Variants in WRAP53 observed in about 807,000 individuals in gnomAD.
The protein encoded by WRAP53 is WD repeat containing antisense to TP53.
Under a neutral mutation model 56.6 loss-of-function variants are expected in WRAP53, and 28 were observed. The observed-to-expected ratio is 0.50, with a 90% CI of 0.37 to 0.68. The LOEUF is 0.68. Among genes scored for constraint, WRAP53 ranks in the 30% least tolerant of loss-of-function variants. The pLI, the probability that WRAP53 is intolerant of heterozygous loss-of-function variation, is 0.00. For missense variants in WRAP53, 671 were observed against 715.5 expected, an observed-to-expected ratio of 0.94 and a Z score of 0.71; for synonymous variants, 283 against 283.4, an observed-to-expected ratio of 1.00 and a Z score of 0.01.
chr17:7,689,242 C>T lies in WRAP53; in HGVS notation c.450C>T (p.Phe150=), dbSNP rs2287498. The T allele has an allele frequency of 0.098, 157,908 of 1,613,714 alleles. 10,873 individuals carry two copies. The highest frequency in any genetic ancestry group is 0.29 in the East Asian group (12,847 of 44,844). The change falls in exon 3 of 11, where the codon TTC becomes TTT. Residue 150 remains phenylalanine, a synonymous_variant. Coordinates refer to ENST00000396463, the MANE Select transcript of WRAP53 (RefSeq NM_001143992.2). ...DEGDTAWNYS[F]SQLPRFLSGS... is the part of the protein sequence containing the mutation. ...CTTTCAGCGCTTGGAACTACAGCTT[C>T]TCCCAGCTGCCTCGATTTCTCAGTG... is the stretch of plus-strand genomic sequence containing the variant.
At chr17:7,692,679 G>A (rs1032004208) in intron 4 of WRAP53, among the ~76,000 whole-genome samples, 1 of 147,906 alleles carries the variant, frequency 6.8e-6, no homozygotes, top group African/African-American at 2.5e-5. Flanking sequence ...TCCTAATCAG[G>A]TTCTGCCTCC....
At position 7,688,570 on chromosome 17, in the gene WRAP53, C is replaced by CA; in HGVS notation, c.-2+9_-2+10insA. On this transcript the variant is annotated intron_variant, in intron 1 of 10. Transcript: ENST00000396463. ...AGAGGAGGGAAGCACAGGTGGGTTT[C>CA]TTTAGCTCTGCGTCGGATCCCTGAG... is the stretch of plus-strand genomic sequence containing the variant. The CA allele has an allele frequency of 2.0e-6, 3 of 1,535,584 alleles. No homozygotes were observed. Among genetic ancestry groups the CA allele is most frequent in the Non-Finnish European group, 2.7e-6 (3 of 1,128,376 alleles).
chr17:7,697,333 A>AT (rs398030267), intron 4 of WRAP53, among the ~76,000 whole-genome samples: 46 of 149,660 alleles, frequency 3.1e-4, no homozygotes, highest in Non-Finnish European at 5.3e-4. Flanking sequence ...AAAAAAAAAA[A>AT]GAAAAGAAAA....
intron 4 of WRAP53, among the ~76,000 whole-genome samples, chr17:7,694,198 A>G (rs1275000789): frequency 6.6e-6 from 1 of 151,378 alleles, no homozygotes; most frequent in Non-Finnish European, 1.5e-5. Context: ...TTTAAAAAAT[A>G]TATCTTGCAA....
At chr17:7,700,511 G>A (rs62062587) in intron 4 of WRAP53, among the ~76,000 whole-genome samples, 1 of 150,446 alleles carries the variant, frequency 6.6e-6, no homozygotes, top group Non-Finnish European at 1.5e-5. Context: ...AACAAAATTA[G>A]CCAGGCATGG....
intron 4 of WRAP53, among the ~76,000 whole-genome samples, chr17:7,696,759 G>A (rs1055709721): frequency 2.0e-5 from 3 of 152,168 alleles, no homozygotes; most frequent in Admixed American, 2.0e-4. Context: ...AGCAGTCAAG[G>A]CTGGTGCTCA....
chr17:7,689,799 C>A, intron 4 of WRAP53, 98 bp downstream of exon 4: 1 of 1,014,548 alleles, frequency 9.9e-7, no homozygotes, highest in South Asian at 1.4e-5. Context: ...TGTTCACAAA[C>A]GGGACTGTTT....
Position 7,701,558 on chromosome 17 carries a change from C to A in WRAP53, c.822+9C>A, listed in dbSNP as rs745842904. On this transcript the variant is annotated intron_variant, in intron 6 of 10. Coordinates refer to ENST00000396463, the MANE Select transcript of WRAP53 (RefSeq NM_001143992.2). The surrounding 1 kb of genome is among the most constrained non-coding windows in gnomAD (Gnocchi z 4.2). ...GCGCCTACAACCACCTGGTAGGGAC[C>A]GCCATACTCAGCCCCAGCACTCGTA... 1.2e-6 allele frequency: 2 copies of A among 1,614,240 alleles called. No individual in the cohort carries two copies. Among genetic ancestry groups the A allele is most frequent in the Non-Finnish European group, 1.7e-6 (2 of 1,180,044 alleles).
chr17:7,701,813 A>C lies in WRAP53; in HGVS notation c.955+24A>C. 1 of 1,610,778 alleles carries C rather than the reference A, an allele frequency of 6.2e-7. No homozygotes were observed. The highest frequency in any genetic ancestry group is 8.5e-7 in the Non-Finnish European group (1 of 1,178,466). ...TGGTAAGCATCTGTGCCTCCAAGGGAGGAGGAGAGGGAAGGGCACTGCCAC... is the reference window on the plus strand; with the variant it reads ...TGGTAAGCATCTGTGCCTCCAAGGGCGGAGGAGAGGGAAGGGCACTGCCAC... On this transcript the variant is annotated intron_variant, in intron 7 of 10. Transcript: ENST00000396463. The surrounding 1 kb of genome is among the most constrained non-coding windows in gnomAD (Gnocchi z 4.2).
chr17:7,699,756 G>T, intron 4 of WRAP53, among the ~76,000 whole-genome samples: 1 of 149,846 alleles, frequency 6.7e-6, no homozygotes. Flanking sequence ...TTGTATTTTT[G>T]AGACAGTGTT....
intron 4 of WRAP53, among the ~76,000 whole-genome samples, chr17:7,695,036 T>C (rs2074163779): frequency 6.6e-6 from 1 of 151,938 alleles, no homozygotes. Flanking sequence ...CACTGCAAGC[T>C]CCGCCTCCCG....
At chr17:7,691,189 A>G (rs960786823) in intron 4 of WRAP53, among the ~76,000 whole-genome samples, 1 of 151,238 alleles carries the variant, frequency 6.6e-6, no homozygotes. Context: ...AGCCTGGGTG[A>G]CAGAGTGAGA....
chr17:7,689,726 T>C (rs1188655918), intron 4 of WRAP53, 25 bp downstream of exon 4: 10 of 1,560,594 alleles, frequency 6.4e-6, no homozygotes, highest in Non-Finnish European at 8.8e-6. Context: ...TAACTGCCTC[T>C]TCATCAATGC....
chr17:7,687,527 G>C, upstream of WRAP53: 1 of 398,690 alleles, frequency 2.5e-6, no homozygotes, highest in Non-Finnish European at 4.4e-6. Flanking sequence ...TGAGCACATG[G>C]GAGGGGAAAA....
chr17:7,692,505 C>T (rs1401941731), intron 4 of WRAP53, among the ~76,000 whole-genome samples: 1 of 149,956 alleles, frequency 6.7e-6, no homozygotes, highest in Non-Finnish European at 1.5e-5. Flanking sequence ...CCTGTAATCC[C>T]AGCTACTCTG....
chr17:7,703,373 T>TCAGA lies in WRAP53; in HGVS notation c.1534_1535insCAGA (p.Cys512SerfsTer19). 6.2e-7 allele frequency: 1 copy of TCAGA among 1,613,856 alleles called. No homozygotes were observed. The highest frequency in any genetic ancestry group is 1.1e-5 in the South Asian group (1 of 91,058). On this transcript the variant is annotated frameshift_variant, in exon 11 of 11. Transcript: ENST00000396463. LOFTEE classifies it low-confidence loss of function (END_TRUNC). ...CTCCACGCGCCACGTCCACCTTGAA[T>TCAGA]GTCGGCTTCAGCTCTGGTGGTGTGG...
At chr17:7,693,483 C>T (rs943641338) in intron 4 of WRAP53, among the ~76,000 whole-genome samples, 1 of 152,090 alleles carries the variant, frequency 6.6e-6, no homozygotes, top group Non-Finnish European at 1.5e-5. Flanking sequence ...CTTTGGGGGG[C>T]CGAGGCAGGT....
intron 4 of WRAP53, among the ~76,000 whole-genome samples, chr17:7,697,670 A>G (rs999663343): frequency 6.6e-6 from 1 of 152,206 alleles, no homozygotes; most frequent in South Asian, 2.1e-4. Flanking sequence ...AAAAGAAAAA[A>G]AAAGAAAAAG....
intron 4 of WRAP53, among the ~76,000 whole-genome samples, chr17:7,694,390 G>C (rs968862059): frequency 1.3e-5 from 2 of 151,518 alleles, no homozygotes; most frequent in African/African-American, 4.9e-5. Context: ...TTACAGGCAC[G>C]CACCACCGCA....
Sources: gnomAD v4.1 joint callset for allele counts (sites outside exome capture counted in the v4.1 genomes callset) on GRCh38, gnomAD v4.1.1 for gene constraint, Gnocchi (gnomAD v3.1) non-coding constraint, MANE v1.5 for transcripts, NCBI Gene and HGNC (gene_info 2026-07-23, HGNC 2026-07-21) for gene names.